The following NFRKB variants were observed in gnomAD, a reference collection of about 807,000 sequenced individuals.
NFRKB encodes nuclear factor related to kappaB binding protein.
Under a neutral mutation model 135.7 loss-of-function variants are expected in NFRKB, and 62 were observed. The ratio of observed to expected loss-of-function variants is 0.46; its 90% CI spans 0.37 to 0.56. The LOEUF is 0.56. NFRKB is among the 20% of genes least tolerant of loss of function. The pLI is 0.00. For missense variants in NFRKB, 1,545 were observed against 1,662.0 expected (o/e 0.93, Z 1.22); for synonymous variants, 678 against 635.6 (o/e 1.07, Z -1.00).
chr11:129,894,917 C>T (rs948163183), intron 1 of NFRKB, among the ~76,000 whole-genome samples: 1 of 152,242 alleles, frequency 6.6e-6, no homozygotes, highest in Non-Finnish European at 1.5e-5. Flanking sequence ...ATACAACTTG[C>T]TCACAAGTTT....
In NFRKB at chr11:129,874,327, T is replaced by C. The variant is rs2135646019; in HGVS notation, c.2065A>G (p.Ser689Gly). The C allele has an allele frequency of 6.6e-7, 1 of 1,518,254 alleles. No individual in the cohort carries two copies. Among genetic ancestry groups the C allele is most frequent in the East Asian group, 2.3e-5 (1 of 44,044 alleles). 94.0% of individuals were successfully genotyped at this position (1,518,254 alleles called of 1,614,324 possible). A position where few individuals can be genotyped will look rare whatever the true frequency, so the allele number is the denominator to read the frequency against. ...ACCTTTATGGAGCTCTCCTTGCTAC[T>C]GGACTTCTAGAACGGAAGACAAAGA... The part of the protein sequence containing the change: ...KPKPPSKVKS[S>G]SKESSIKVLS... The change falls in exon 21 of 27, where the codon AGT becomes GGT. Residue 689 changes from serine (S) to glycine (G), a missense_variant. Around this residue, in one of 3 missense-constraint regions of NFRKB, gnomAD observed 753 missense variants for 804.3 expected, o/e 0.94. Coordinates refer to ENST00000682444, the MANE Select transcript of NFRKB (RefSeq NM_001143835.2). This position sits in a 1 kb window ranked among gnomAD's most constrained non-coding sequence, Gnocchi z 4.5.
In NFRKB at chr11:129,874,142, T is replaced by G; in HGVS notation, c.2250A>C (p.Thr750=). The G allele has an allele frequency of 6.5e-7, 1 of 1,529,634 alleles. No homozygotes were observed. The highest frequency in any genetic ancestry group is 8.8e-7 in the Non-Finnish European group (1 of 1,139,894). The allele number at this position is 1,529,634 out of a possible 1,614,324, so 94.8% of individuals were successfully genotyped here. Residue 750 remains threonine, a synonymous_variant, in exon 21 of 27, where the codon ACA becomes ACC. Transcript: ENST00000682444. This position sits in a 1 kb window ranked among gnomAD's most constrained non-coding sequence, Gnocchi z 4.5. The stretch of plus-strand genomic sequence containing the variant: ...AGCTAGACTTAGCTGGTTCTGAGAC[T>G]GTGGAAGGGCCGCTTTTGTTCACTG... ...VSAVNKSGPS[T]VSEPAKSSSG...
intron 18 of NFRKB, 88 bp downstream of exon 18, chr11:129,875,269 T>C: frequency 8.8e-7 from 1 of 1,134,504 alleles, no homozygotes; most frequent in Non-Finnish European, 1.3e-6. Flanking sequence ...ATTCAGTTTT[T>C]AAAAATTTTG....
At position 129,872,875 on chromosome 11, in the gene NFRKB, C is replaced by A. The variant is rs746177221; in HGVS notation, c.2763+9G>T. On this transcript the variant is annotated intron_variant, in intron 23 of 26. Transcript: ENST00000682444. The stretch of plus-strand genomic sequence containing the variant: ...GGATTGAGATCCACGTGGAAAGAGC[C>A]CCACCTACCTGCTTGATGATGTTCT... 1.9e-6 allele frequency: 3 copies of A among 1,584,128 alleles called. No individual in the cohort carries two copies. The Admixed American group carries it at 5.1e-5, about 27-fold the overall frequency.
Position 129,874,720 on chromosome 11 carries a change from A to G in NFRKB, c.1978+73T>C. 1.2e-6 allele frequency: 2 copies of G among 1,612,164 alleles called. No homozygotes were observed. Among genetic ancestry groups the G allele is most frequent in the Non-Finnish European group, 1.7e-6 (2 of 1,178,386 alleles). Reference sequence around the variant, plus strand: ...GTCCTACCTATATGCCAATGAAAAGAATAATGGAATTGGGGTAGAAAGTCA... The same window carrying G: ...GTCCTACCTATATGCCAATGAAAAGGATAATGGAATTGGGGTAGAAAGTCA... On this transcript the variant is annotated intron_variant, in intron 19 of 26. Coordinates refer to ENST00000682444, the MANE Select transcript of NFRKB (RefSeq NM_001143835.2). This position sits in a 1 kb window ranked among gnomAD's most constrained non-coding sequence, Gnocchi z 4.5.
chr11:129,881,372 A>T, intron 13 of NFRKB, 71 bp downstream of exon 13: 1 of 1,470,754 alleles, frequency 6.8e-7, no homozygotes, highest in South Asian at 1.1e-5. Flanking sequence ...TATTGACTGG[A>T]AGGCAAATAA....
At chr11:129,893,275 G>A (rs985724138) in intron 2 of NFRKB, 1 of 481,126 alleles carries the variant, frequency 2.1e-6, no homozygotes, top group African/African-American at 2.0e-5. Context: ...GTTGTTGGCT[G>A]GGTGCAGTAA....
rs147580505 is a variant in NFRKB at position 129,884,762 on chromosome 11, G to T, written c.725C>A (p.Thr242Lys). Reference sequence around the variant, plus strand: ...GTTCTCACCTGCAGTTTTCATATCCGTGGTTGAAAGTGTGGGCACCACCCG... The same window carrying T: ...GTTCTCACCTGCAGTTTTCATATCCTTGGTTGAAAGTGTGGGCACCACCCG... Reference protein sequence around the residue: ...PLRVVPTLSTTDMKTADKVEL... With the variant: ...PLRVVPTLSTKDMKTADKVEL... Residue 242 changes from threonine (T) to lysine (K), a missense_variant, in exon 7 of 27, where the codon ACG (threonine) becomes AAG (lysine). By Grantham distance (78) the Thr-to-Lys change is moderately conservative. Transcript: ENST00000682444. The T allele has an allele frequency of 8.7e-6, 14 of 1,613,914 alleles. No homozygotes were observed. Among genetic ancestry groups the T allele is most frequent in the Non-Finnish European group, 1.2e-5 (14 of 1,180,024 alleles).
chr11:129,883,951 G>T (rs1400212556), intron 8 of NFRKB, 119 bp downstream of exon 8: 2 of 1,072,882 alleles, frequency 1.9e-6, no homozygotes, highest in African/African-American at 1.5e-5. Flanking sequence ...CTGCTCCTGT[G>T]CCCACAGTGG....
intron 24 of NFRKB, among the ~76,000 whole-genome samples, chr11:129,868,320 A>G (rs548750792): frequency 1.4e-3 from 214 of 152,364 alleles, no homozygotes; most frequent in African/African-American, 4.8e-3. Flanking sequence ...CAGGGAGCAC[A>G]TGCCAATCTC....
At chr11:129,886,798 A>G (rs1397433987) in intron 4 of NFRKB, among the ~76,000 whole-genome samples, 1 of 152,212 alleles carries the variant, frequency 6.6e-6, no homozygotes, top group Non-Finnish European at 1.5e-5. Flanking sequence ...ACATGCCAGC[A>G]AAAGAGACAG....
rs770777029 is a variant in NFRKB at position 129,888,636 on chromosome 11, G to A, written c.295C>T (p.Arg99Cys). The change falls in exon 4 of 27, where the codon CGC (arginine) becomes TGC (cysteine). Residue 99 changes from arginine (R) to cysteine (C), a missense_variant. This residue lies in a region of NFRKB where 678 missense variants were observed against 646.7 expected (regional missense o/e 1.05). Transcript: ENST00000682444. ...GCAATGTGCAGAGGGTTTCCAAAGC[G>A]GAAGTTCTCCCCACTGAACAAGGCT... ...ILALFSGENF[R>C]FGNPLHIAQK... The A allele has an allele frequency of 1.2e-5, 19 of 1,614,028 alleles. No homozygotes were observed. The highest frequency in any genetic ancestry group is 5.0e-5 in the Admixed American group (3 of 59,996).
Position 129,880,833 on chromosome 11 carries a change from G to A in NFRKB, c.1384+610C>T, listed in dbSNP as rs78831739. ...TAAATAACGAATGAATGAGTCTACC[G>A]TTTTCATAACCTGCTCTCCATACGC... is the stretch of plus-strand genomic sequence containing the variant. On this transcript the variant is annotated intron_variant, in intron 13 of 26. Transcript: ENST00000682444. 8.1e-3 allele frequency among the ~76,000 whole-genome samples: 1,233 copies of A among 152,218 alleles called. 19 individuals carry two copies. The highest frequency in any genetic ancestry group is 0.027 in the African/African-American group (1,110 of 41,536).
rs1358790389 is a variant in NFRKB at position 129,875,424 on chromosome 11, G to A, written c.1787C>T (p.Thr596Ile). The change falls in exon 18 of 27, where the codon ACA becomes ATA. Residue 596 changes from threonine to isoleucine, a missense_variant. Transcript: ENST00000682444. ...AAGCAGTTCACAGATCTCTGCCCGT[G>A]TGCCTTCTCCATTAGGCAGTCGAGC... is the stretch of plus-strand genomic sequence containing the variant. Reference protein sequence around the residue: ...AAARLPNGEGTRAEICELLKD... With the variant: ...AAARLPNGEGIRAEICELLKD... 1 of 1,611,932 alleles carries A rather than the reference G, an allele frequency of 6.2e-7. No homozygotes were observed. The highest frequency in any genetic ancestry group is 1.3e-5 in the African/African-American group (1 of 74,854).
chr11:129,869,460 A>AAAG, intron 24 of NFRKB, 34 bp downstream of exon 24: 1 of 1,538,398 alleles, frequency 6.5e-7, no homozygotes, highest in Non-Finnish European at 8.7e-7. Flanking sequence ...GTTTTCTAAA[A>AAAG]AAGAAGGCCT....
Position 129,892,830 on chromosome 11 carries a change from A to G in NFRKB, c.20T>C (p.Met7Thr). The G allele has an allele frequency of 1.2e-6, 2 of 1,614,232 alleles. No homozygotes were observed. The highest frequency in any genetic ancestry group is 3.3e-4 in the Middle Eastern group (2 of 6,062). Residue 7 changes from methionine (M) to threonine (T), a missense_variant, in exon 3 of 27, where the codon ATG becomes ACG. Met to Thr is a moderately conservative substitution (Grantham distance 81). Around this residue, in one of 3 missense-constraint regions of NFRKB, gnomAD observed 678 missense variants for 646.7 expected, o/e 1.05. Transcript: ENST00000682444. Reference protein sequence around the residue: MDSLDHMLTDPLELGPC... With the variant: MDSLDHTLTDPLELGPC... ...ACCAAGTTCCAGAGGATCTGTCAGC[A>G]TATGGTCTAAGGAATCCATTGTTTC...
intron 3 of NFRKB, among the ~76,000 whole-genome samples, chr11:129,890,536 C>T (rs1356658064): frequency 3.9e-5 from 6 of 152,132 alleles, no homozygotes; most frequent in Non-Finnish European, 8.8e-5. Context: ...GTTTGGCATA[C>T]GACCAAAGAA....
In NFRKB at chr11:129,867,364, C is replaced by T. The variant is rs576605544; in HGVS notation, c.3532-1381G>A. Among the ~76,000 whole-genome samples the T allele has an allele frequency of 4.7e-5, 7 of 149,330 alleles. No individual in the cohort carries two copies. In the South Asian group the frequency reaches 1.5e-3, roughly 32 times the overall value. On this transcript the variant is annotated intron_variant, in intron 24 of 26. Transcript: ENST00000682444. ...TTTTTGAGACAGAGTCTTGCTCTGC[C>T]ATCCAGGCTGGAGTGCAATGGCACG...
chr11:129,888,909 T>G, intron 3 of NFRKB, 114 bp from the exon 4 acceptor site: 1 of 764,604 alleles, frequency 1.3e-6, no homozygotes, highest in Non-Finnish European at 2.1e-6. Context: ...TAACCATTTT[T>G]AAGTGTAGAC....
Sources: gnomAD v4.1 joint callset for allele counts (sites outside exome capture counted in the v4.1 genomes callset) on GRCh38, gnomAD v4.1.1 for gene constraint, gnomAD v4.1.1 regional missense constraint, Gnocchi (gnomAD v3.1) non-coding constraint, MANE v1.5 for transcripts, NCBI Gene and HGNC (gene_info 2026-07-23, HGNC 2026-07-21) for gene names.